The following SLC38A4 variants were observed in gnomAD, a reference collection of about 807,000 sequenced individuals.
The protein encoded by SLC38A4 is sodium-coupled neutral amino acid transporter 4.
SLC38A4 carries 20 observed loss-of-function variants against 63.1 expected under a neutral mutation model. That is an observed-to-expected ratio of 0.32 (90% CI 0.22 to 0.46). The LOEUF is 0.46. Ranked by LOEUF, SLC38A4 falls within the 20% of genes least tolerant of loss-of-function variation. The pLI is 1.00. For missense variants in SLC38A4, 526 were observed against 663.6 expected (o/e 0.79, Z 2.28); for synonymous variants, 230 against 225.5 (o/e 1.02, Z -0.18).
At position 46,780,019 on chromosome 12, in the gene SLC38A4, AG is replaced by A; in HGVS notation, c.504del (p.Tyr169ThrfsTer12). The A allele has an allele frequency of 6.2e-7, 1 of 1,611,914 alleles. No individual in the cohort carries two copies. The highest frequency in any genetic ancestry group is 8.5e-7 in the Non-Finnish European group (1 of 1,178,584). On this transcript the variant is annotated frameshift_variant, in exon 8 of 17. Transcript: ENST00000266579. LOFTEE classifies it high-confidence loss of function. ...AGTTCATATTTAATGATAAAGAGGT[AG>A]CTTGACATTGCTAAAATGGAAAATG... ...ITMQNIGAMS[S>X]YLFIIKYELP...
At chr12:46,807,086 C>T (rs1939249078) in intron 1 of SLC38A4, among the ~76,000 whole-genome samples, 1 of 151,872 alleles carries the variant, frequency 6.6e-6, no homozygotes, top group African/African-American at 2.4e-5. Flanking sequence ...ACCTAAATTT[C>T]TAATTTTAGT....
intron 5 of SLC38A4, among the ~76,000 whole-genome samples, 172 bp from the exon 6 acceptor site, chr12:46,785,349 A>G (rs1469854031): frequency 1.3e-5 from 2 of 151,840 alleles, no homozygotes; most frequent in Non-Finnish European, 2.9e-5. Flanking sequence ...CATACCCTTT[A>G]AAGTCGTAGA....
intron 1 of SLC38A4, among the ~76,000 whole-genome samples, chr12:46,820,627 G>A (rs534258580): frequency 1.3e-5 from 2 of 152,166 alleles, no homozygotes; most frequent in African/African-American, 4.8e-5. Flanking sequence ...GAATAGCGCA[G>A]CAATGAACAT....
intron 3 of SLC38A4, among the ~76,000 whole-genome samples, chr12:46,792,014 G>A (rs935678221): frequency 2.0e-5 from 3 of 152,122 alleles, no homozygotes. Context: ...TACGTGCCCA[G>A]CAGTGTGTGT....
At chr12:46,820,002 C>A (rs181456137) in intron 1 of SLC38A4, among the ~76,000 whole-genome samples, 1 of 151,866 alleles carries the variant, frequency 6.6e-6, no homozygotes, top group East Asian at 1.9e-4. Flanking sequence ...TTAAAGTGGG[C>A]CTCACTGTGT....
chr12:46,808,330 C>T (rs1375486468), intron 1 of SLC38A4, among the ~76,000 whole-genome samples: 2 of 151,884 alleles, frequency 1.3e-5, no homozygotes, highest in Non-Finnish European at 2.9e-5. Flanking sequence ...GATCGCACGC[C>T]CCTCTCTTCA....
chr12:46,781,451 G>T (rs1411017665), intron 7 of SLC38A4, among the ~76,000 whole-genome samples: 1 of 152,054 alleles, frequency 6.6e-6, no homozygotes, highest in African/African-American at 2.4e-5. Context: ...CTGGTTTTCA[G>T]TGATGTCAGT....
At chr12:46,805,239 AATT>A (rs1199530446) in intron 1 of SLC38A4, among the ~76,000 whole-genome samples, 1 of 152,038 alleles carries the variant, frequency 6.6e-6, no homozygotes. Flanking sequence ...ATTGGATAAA[AATT>A]AAAAGCACAC....
chr12:46,770,431 T>C (rs1014412018), intron 14 of SLC38A4, among the ~76,000 whole-genome samples: 4 of 152,096 alleles, frequency 2.6e-5, no homozygotes, highest in African/African-American at 9.7e-5. Flanking sequence ...AATCTAAACA[T>C]TCCTCAGACT....
chr12:46,794,138 G>T (rs938785618), intron 2 of SLC38A4, among the ~76,000 whole-genome samples: 2 of 152,106 alleles, frequency 1.3e-5, no homozygotes, highest in Non-Finnish European at 2.9e-5. Context: ...CTTGAGCAGA[G>T]AAACTAACAT....
intron 2 of SLC38A4, among the ~76,000 whole-genome samples, chr12:46,795,919 C>CCATT (rs58583370): frequency 0.26 from 39,487 of 151,602 alleles, 5,676 homozygotes; most frequent in East Asian, 0.42. Context: ...TGCAGACGGC[C>CCATT]CAATCAAAAG....
intron 7 of SLC38A4, among the ~76,000 whole-genome samples, chr12:46,783,261 A>ATAGC (rs1938686877): frequency 1.3e-5 from 2 of 150,368 alleles, no homozygotes; most frequent in African/African-American, 4.9e-5. Flanking sequence ...AGATAGATAG[A>ATAGC]TAGATAGATA....
intron 12 of SLC38A4, 149 bp downstream of exon 12, chr12:46,778,140 T>C: frequency 1.4e-6 from 1 of 700,350 alleles, no homozygotes; most frequent in Non-Finnish European, 2.4e-6. Flanking sequence ...ATTCCCACCT[T>C]TCTGATTAAA....
rs1200219834 is a variant in SLC38A4, at chr12:46,815,280, TATATAC to T, written c.-305+10617_-305+10622del. Among the ~76,000 whole-genome samples, 158 of 90,366 alleles carry T rather than the reference TATATAC, an allele frequency of 1.7e-3. 1 individual carries two copies. The highest frequency in any genetic ancestry group is 6.4e-3 in the African/African-American group (145 of 22,522). 59.3% of individuals were successfully genotyped at this position (90,366 alleles called of 152,430 possible). ...ATATATATATATATATATATATATA[TATATAC>T]ACACACACACACACACACACACAGA... On this transcript the variant is annotated intron_variant, in intron 1 of 16. Transcript: ENST00000266579.
chr12:46,814,167 A>G (rs545967053), intron 1 of SLC38A4, among the ~76,000 whole-genome samples: 16 of 152,144 alleles, frequency 1.1e-4, no homozygotes, highest in Admixed American at 2.6e-4. Context: ...AAAATAGATT[A>G]TAGAATTAAA....
intron 5 of SLC38A4, among the ~76,000 whole-genome samples, chr12:46,786,509 T>C (rs746350592): frequency 2.6e-5 from 4 of 152,134 alleles, no homozygotes; most frequent in Non-Finnish European, 5.9e-5. Flanking sequence ...GGGGGAAGTT[T>C]TTCCTATTTC....
rs1330894118 is a variant in SLC38A4, at chr12:46,766,377, A to G, written c.*324T>C. 2 of 477,628 alleles carry G rather than the reference A, an allele frequency of 4.2e-6. No homozygotes were observed. The highest frequency in any genetic ancestry group is 8.3e-6 in the Non-Finnish European group (2 of 241,412). The allele number at this position is 477,628 out of a possible 1,614,324, so 29.6% of individuals were successfully genotyped here. On this transcript the variant is annotated 3_prime_UTR_variant, in exon 17 of 17. Transcript: ENST00000266579. Reference sequence around the variant, plus strand: ...AGGATGAGGAGACGGCAGGGGAAAGAGTACTATCTGATGATTGTTACATGC... The same window carrying G: ...AGGATGAGGAGACGGCAGGGGAAAGGGTACTATCTGATGATTGTTACATGC...
At position 46,779,831 on chromosome 12, in the gene SLC38A4, T is replaced by C. The variant is rs372122205; in HGVS notation, c.607A>G (p.Ile203Val). The C allele has an allele frequency of 1.1e-5, 18 of 1,612,114 alleles. No individual in the cohort carries two copies. In the African/African-American group the frequency reaches 2.1e-4, roughly 19 times the overall value. Residue 203 changes from isoleucine to valine, a missense_variant, in exon 9 of 17, where the codon ATA becomes GTA. Transcript: ENST00000266579. The part of the protein sequence containing the change: ...EWYLNGNYLI[I>V]FVSVGIILPL... ...AGAATAATTCCAACAGACACAAATA[T>C]GATGAGGTAGTTGCCATTGAGGTAC...
chr12:46,797,926 T>C (rs745769766), intron 2 of SLC38A4, among the ~76,000 whole-genome samples: 17 of 152,178 alleles, frequency 1.1e-4, no homozygotes, highest in Non-Finnish European at 2.2e-4. Flanking sequence ...AAGAGCCTTC[T>C]ATTATAAATT....
Sources: allele counts gnomAD v4.1 joint callset (sites outside exome capture counted in the v4.1 genomes callset), GRCh38; gene constraint gnomAD v4.1.1; transcripts MANE v1.5; gene names NCBI Gene and HGNC (gene_info 2026-07-23, HGNC 2026-07-21).